FIRRM: variants seen among roughly 807,000 people sequenced by gnomAD.
FIRRM encodes the protein FIGNL1 interacting regulator of recombination and mitosis.
the FIRRM span, chr1:169,853,806 G>GAAAC: frequency 1.3e-6 from 2 of 1,595,160 alleles, no homozygotes; most frequent in South Asian, 1.1e-5. Context: ...AGAACCCACT[G>GAAAC]AAACAAATCA....
the FIRRM span, chr1:169,793,360 C>T: frequency 1.2e-6 from 2 of 1,614,156 alleles, no homozygotes; most frequent in South Asian, 1.1e-5. Context: ...TATTTTCTAA[C>T]ATCTTCTTTA....
chr1:169,849,793 G>T, the FIRRM span: 8 of 576,226 alleles, frequency 1.4e-5, no homozygotes, highest in Non-Finnish European at 2.5e-5. Context: ...AGTGAATTTC[G>T]TAAGGTCCTC....
the FIRRM span, among the ~76,000 whole-genome samples, chr1:169,839,939 A>G: frequency 6.6e-6 from 1 of 152,162 alleles, no homozygotes; most frequent in Non-Finnish European, 1.5e-5. Context: ...ATTCTTCTGC[A>G]TGTAGGCTAG....
chr1:169,797,520 C>A, the FIRRM span, among the ~76,000 whole-genome samples: 1 of 151,988 alleles, frequency 6.6e-6, no homozygotes, highest in African/African-American at 2.4e-5. Flanking sequence ...GGAATGAATT[C>A]TTGTATTACT....
the FIRRM span, chr1:169,853,703 A>ACAT: frequency 1.1e-5 from 17 of 1,612,408 alleles, no homozygotes; most frequent in Admixed American, 1.7e-4. Context: ...AGTTTAACTC[A>ACAT]CATCTATTGT....
At chr1:169,802,650 T>A in the FIRRM span, 1 of 1,612,174 alleles carries the variant, frequency 6.2e-7, no homozygotes, top group African/African-American at 1.3e-5. Flanking sequence ...ACATGATGTA[T>A]GAATTAACCA....
the FIRRM span, chr1:169,852,773 TTA>T: frequency 1.9e-6 from 3 of 1,612,312 alleles, no homozygotes; most frequent in South Asian, 2.2e-5. Flanking sequence ...GTGATATTAC[TTA>T]TGTTTTTTTT....
the FIRRM span, chr1:169,798,945 G>T: frequency 7.6e-7 from 1 of 1,310,266 alleles, no homozygotes; most frequent in Non-Finnish European, 1.0e-6. Flanking sequence ...CTGACAGTTG[G>T]ATTGAGCATA....
chr1:169,794,995 C>T, the FIRRM span: 1 of 857,262 alleles, frequency 1.2e-6, no homozygotes, highest in South Asian at 1.6e-5. Context: ...CCGCCCTCCT[C>T]TCTATGGTTT....
the FIRRM span, chr1:169,793,403 C>G: frequency 1.2e-6 from 2 of 1,614,190 alleles, no homozygotes; most frequent in Non-Finnish European, 1.7e-6. Flanking sequence ...TTTGGCAGCT[C>G]TCAAGGAGGG....
At chr1:169,826,803 A>C in the FIRRM span, among the ~76,000 whole-genome samples, 1 of 152,226 alleles carries the variant, frequency 6.6e-6, no homozygotes. Context: ...CCTCAAAGCA[A>C]CAAAGATTTC....
chr1:169,793,762 C>T, the FIRRM span: 1 of 1,422,308 alleles, frequency 7.0e-7, no homozygotes. Context: ...TTTGATGATA[C>T]ACACAAATCT....
At chr1:169,796,329 C>G in the FIRRM span, among the ~76,000 whole-genome samples, 2 of 152,232 alleles carry the variant, frequency 1.3e-5, no homozygotes, top group Admixed American at 6.5e-5. Flanking sequence ...AACAGAGACA[C>G]GGAACGTGAT....
At chr1:169,795,094 G>A in the FIRRM span, 153 of 1,534,832 alleles carry the variant, frequency 1.0e-4, 4 homozygotes, top group South Asian at 1.8e-3. Flanking sequence ...TCTCCTGTTT[G>A]ACGAAAGTAT....
At chr1:169,795,912 G>A in the FIRRM span, 1 of 985,398 alleles carries the variant, frequency 1.0e-6, no homozygotes, top group Non-Finnish European at 1.2e-6. Flanking sequence ...TTCTTCGTCC[G>A]GGTGCAGCAC....
chr1:169,840,668 G>A, the FIRRM span, among the ~76,000 whole-genome samples: 2 of 151,690 alleles, frequency 1.3e-5, no homozygotes, highest in South Asian at 4.2e-4. Flanking sequence ...CCGCCAACAC[G>A]CCCGGCTAAT....
chr1:169,853,205 C>CAAAG, the FIRRM span: 3 of 562,020 alleles, frequency 5.3e-6, no homozygotes, highest in African/African-American at 5.7e-5. Flanking sequence ...CCTAGGTCCA[C>CAAAG]AAAGAACCAT....
the FIRRM span, among the ~76,000 whole-genome samples, chr1:169,820,693 T>C: frequency 1.3e-5 from 2 of 152,188 alleles, no homozygotes; most frequent in East Asian, 3.9e-4. Flanking sequence ...AACCCAATCC[T>C]CTTCATCACC....
chr1:169,827,936 TA>T, the FIRRM span: 8 of 1,302,996 alleles, frequency 6.1e-6, no homozygotes, highest in African/African-American at 1.5e-5. Context: ...GTTTTTTTTT[TA>T]AATCAGATAT....
Sources: gnomAD v4.1 joint callset for allele counts (sites outside exome capture counted in the v4.1 genomes callset) on GRCh38, gnomAD v4.1.1 for gene constraint, MANE v1.5 for transcripts, NCBI Gene and HGNC (gene_info 2026-07-23, HGNC 2026-07-21) for gene names.